The following TRPC4 variants were observed in gnomAD, a reference collection of about 807,000 sequenced individuals.
TRPC4 encodes the protein transient receptor potential cation channel subfamily C member 4.
A neutral mutation model predicts 99.4 loss-of-function variants in TRPC4; 49 were observed. The observed-to-expected ratio is 0.49, with a 90% CI of 0.39 to 0.63. The LOEUF is 0.63. TRPC4 is among the 20% of genes least tolerant of loss of function. The pLI is 0.00. For synonymous variants in TRPC4, 454 were observed against 425.9 expected, an observed-to-expected ratio of 1.07 and a Z score of -0.81; for missense variants, 898 against 1,152.9, an observed-to-expected ratio of 0.78 and a Z score of 3.20.
At chr13:37,761,158 T>C (rs750591465) in intron 2 of TRPC4, among the ~76,000 whole-genome samples, 2 of 151,972 alleles carry the variant, frequency 1.3e-5, no homozygotes, top group Non-Finnish European at 2.9e-5. Flanking sequence ...CTAATGATGA[T>C]AACATAAGCA....
chr13:37,660,814 A>G (rs1952412108), intron 6 of TRPC4, among the ~76,000 whole-genome samples: 1 of 152,190 alleles, frequency 6.6e-6, no homozygotes, highest in South Asian at 2.1e-4. Context: ...CAGAATTACA[A>G]AAAGAAAATT....
At chr13:37,834,796 C>T (rs146600532) in intron 1 of TRPC4, among the ~76,000 whole-genome samples, 9 of 152,224 alleles carry the variant, frequency 5.9e-5, no homozygotes, top group Admixed American at 1.3e-4. Context: ...AGCACAATCT[C>T]GGCTCACTGT....
At chr13:37,741,962 C>T (rs1955605068) in intron 3 of TRPC4, among the ~76,000 whole-genome samples, 1 of 150,196 alleles carries the variant, frequency 6.7e-6, no homozygotes, top group African/African-American at 2.4e-5. Context: ...ACAAATAGTT[C>T]ATACTTCAGA....
At chr13:37,814,409 C>T (rs1957786582) in intron 1 of TRPC4, among the ~76,000 whole-genome samples, 1 of 151,362 alleles carries the variant, frequency 6.6e-6, no homozygotes, top group African/African-American at 2.4e-5. Flanking sequence ...ACATGATCTT[C>T]AAAAATAAGT....
chr13:37,665,172 C>T (rs902939563), intron 5 of TRPC4, among the ~76,000 whole-genome samples: 1 of 152,132 alleles, frequency 6.6e-6, no homozygotes, highest in African/African-American at 2.4e-5. Context: ...CCACCTTTTC[C>T]TTCAAAGACC....
chr13:37,826,998 C>T (rs1958244794), intron 1 of TRPC4, among the ~76,000 whole-genome samples: 1 of 151,970 alleles, frequency 6.6e-6, no homozygotes, highest in South Asian at 2.1e-4. Flanking sequence ...CTCTAAACTT[C>T]CCTTCTCACT....
At chr13:37,773,076 G>T (rs1956599472) in intron 2 of TRPC4, among the ~76,000 whole-genome samples, 1 of 151,630 alleles carries the variant, frequency 6.6e-6, no homozygotes, top group Non-Finnish European at 1.5e-5. Context: ...TCAGTCAGGG[G>T]CAAAGATTCA....
intron 3 of TRPC4, among the ~76,000 whole-genome samples, chr13:37,693,728 A>G (rs925350736): frequency 3.9e-5 from 6 of 152,168 alleles, no homozygotes; most frequent in South Asian, 2.1e-4. Context: ...TTAGATGAAC[A>G]ATGGTTTTTC....
intron 5 of TRPC4, among the ~76,000 whole-genome samples, chr13:37,668,225 C>T (rs1952713034): frequency 1.3e-5 from 2 of 152,144 alleles, no homozygotes; most frequent in Admixed American, 1.3e-4. Flanking sequence ...TCTGTATGTA[C>T]CCTAGTTTGG....
At chr13:37,759,613 G>T (rs1402628468) in intron 2 of TRPC4, among the ~76,000 whole-genome samples, 1 of 151,664 alleles carries the variant, frequency 6.6e-6, no homozygotes, top group Non-Finnish European at 1.5e-5. Flanking sequence ...CAAAGGGCCA[G>T]AAATATAAGA....
At chr13:37,662,117 C>A (rs1482898559) in intron 6 of TRPC4, among the ~76,000 whole-genome samples, 5 of 152,026 alleles carry the variant, frequency 3.3e-5, no homozygotes, top group Non-Finnish European at 7.4e-5. Flanking sequence ...AAGACTCAGC[C>A]TGGCCAACAT....
intron 8 of TRPC4, among the ~76,000 whole-genome samples, chr13:37,640,676 G>A (rs1951688959): frequency 6.6e-6 from 1 of 152,166 alleles, no homozygotes; most frequent in African/African-American, 2.4e-5. Flanking sequence ...CCAGATGGAG[G>A]TGTCTGACTC....
rs1956205270 is a variant in TRPC4, at chr13:37,760,867, T to C, written c.379-14412A>G. Among the ~76,000 whole-genome samples the C allele has an allele frequency of 2.0e-5, 3 of 151,998 alleles. No individual in the cohort carries two copies. The South Asian group carries it at 6.2e-4, about 31-fold the overall frequency. On this transcript the variant is annotated intron_variant, in intron 2 of 10. Coordinates refer to ENST00000379705, the MANE Select transcript of TRPC4 (RefSeq NM_016179.4). ...TCCAGTATAAATAATGATAACTTAATATCAATAACTACTTTTACTTCCTGT... is the reference window on the plus strand; with the variant it reads ...TCCAGTATAAATAATGATAACTTAACATCAATAACTACTTTTACTTCCTGT...
intron 3 of TRPC4, among the ~76,000 whole-genome samples, chr13:37,710,739 G>C (rs1204909710): frequency 1.3e-5 from 2 of 151,806 alleles, no homozygotes; most frequent in African/African-American, 4.8e-5. Context: ...TCTTGAATCT[G>C]TCTTGTCTCT....
At chr13:37,861,609 T>C in intron 1 of TRPC4, among the ~76,000 whole-genome samples, 1 of 151,600 alleles carries the variant, frequency 6.6e-6, no homozygotes. Context: ...AAAGCTTCTT[T>C]TATTCATGAA....
At chr13:37,663,017 G>C (rs932093334) in intron 6 of TRPC4, among the ~76,000 whole-genome samples, 3 of 152,138 alleles carry the variant, frequency 2.0e-5, no homozygotes, top group Non-Finnish European at 4.4e-5. Context: ...TTAGTACCTG[G>C]AAAACACATG....
chr13:37,720,644 A>T (rs1471866324), intron 3 of TRPC4, among the ~76,000 whole-genome samples: 2 of 152,130 alleles, frequency 1.3e-5, no homozygotes, highest in African/African-American at 4.8e-5. Context: ...ATAATGACAG[A>T]TACACCTAAA....
At chr13:37,865,431 T>C (rs1246879122) in intron 1 of TRPC4, among the ~76,000 whole-genome samples, 1 of 151,608 alleles carries the variant, frequency 6.6e-6, no homozygotes, top group Non-Finnish European at 1.5e-5. Context: ...TCTTGAACTT[T>C]GTTCATAAAA....
chr13:37,677,707 T>G (rs1016760114), intron 4 of TRPC4, among the ~76,000 whole-genome samples: 4 of 152,130 alleles, frequency 2.6e-5, no homozygotes, highest in African/African-American at 7.2e-5. Context: ...AGTAGAATTA[T>G]AAGTGGAGGT....
Sources: gnomAD v4.1 joint callset for allele counts (sites outside exome capture counted in the v4.1 genomes callset) on GRCh38, gnomAD v4.1.1 for gene constraint, MANE v1.5 for transcripts, NCBI Gene and HGNC (gene_info 2026-07-23, HGNC 2026-07-21) for gene names.